The following KIAA1217 variants were observed in gnomAD, a reference collection of about 807,000 sequenced individuals.
KIAA1217 encodes KIAA1217, also known as sickle tail protein homolog.
In KIAA1217, 88 loss-of-function variants were observed where a neutral mutation model predicts 163.9. That is an observed-to-expected ratio of 0.54 (90% CI 0.45 to 0.64). The LOEUF (loss-of-function observed/expected upper bound fraction) is 0.64, where lower values mean the gene tolerates loss of function less well. KIAA1217 is among the 30% of genes least tolerant of loss of function. The pLI is 0.00. For synonymous variants in KIAA1217, 903 were observed against 923.1 expected (o/e 0.98, Z 0.39); for missense variants, 2,372 against 2,475.0 (o/e 0.96, Z 0.88).
chr10:24,255,291 A>G (rs1255529433), intron 2 of KIAA1217: 3 of 293,550 alleles, frequency 1.0e-5, no homozygotes, highest in South Asian at 2.8e-5. Flanking sequence ...TGGCATTTGC[A>G]TAGTAATGAA....
upstream of KIAA1217, among the ~76,000 whole-genome samples, chr10:24,205,302 C>CAAAAAAAAAAAAA (rs61292023): frequency 2.7e-5 from 1 of 36,610 alleles, no homozygotes; most frequent in Non-Finnish European, 5.4e-5. Context: ...ACTAAAAATA[C>CAAAAAAAAAAAAA]AAAAAAAAAA....
intron 2 of KIAA1217, among the ~76,000 whole-genome samples, chr10:24,189,226 G>A (rs145963793): frequency 2.6e-5 from 4 of 152,098 alleles, no homozygotes; most frequent in East Asian, 1.9e-4. Context: ...CATTGAAAGC[G>A]CTTGACCTGC....
At chr10:23,944,466 CTA>C (rs1564554046) in intron 1 of KIAA1217, among the ~76,000 whole-genome samples, 1 of 149,764 alleles carries the variant, frequency 6.7e-6, no homozygotes, top group East Asian at 2.0e-4. Context: ...GTAATAAGCT[CTA>C]AAAAAAAAAG....
intron 6 of KIAA1217, among the ~76,000 whole-genome samples, chr10:24,484,241 A>ATATATATATATATTTTTTTTTTTTTTT (rs1376083298): frequency 6.7e-5 from 5 of 75,156 alleles, no homozygotes; most frequent in Non-Finnish European, 1.0e-4. Flanking sequence ...ATATATATAT[A>ATATATATATATATTTTTTTTTTTTTTT]TTTTTTTTTT....
intron 2 of KIAA1217, among the ~76,000 whole-genome samples, chr10:24,048,105 C>T (rs1041538239): frequency 4.6e-5 from 7 of 152,152 alleles, no homozygotes; most frequent in African/African-American, 1.7e-4. Context: ...GATCAGAGGT[C>T]AAGGGTACAG....
chr10:24,078,695 A>G (rs1225009560), intron 2 of KIAA1217, among the ~76,000 whole-genome samples: 1 of 152,168 alleles, frequency 6.6e-6, no homozygotes, highest in Non-Finnish European at 1.5e-5. Context: ...TCTGGTGCTG[A>G]GGCATTTCAG....
At chr10:24,003,938 A>G (rs1252252969) in intron 1 of KIAA1217, among the ~76,000 whole-genome samples, 1 of 152,190 alleles carries the variant, frequency 6.6e-6, no homozygotes, top group African/African-American at 2.4e-5. Context: ...CTGGGTAGCA[A>G]CATCCAAAAT....
chr10:24,132,828 C>T (rs765762805), intron 2 of KIAA1217, among the ~76,000 whole-genome samples: 7 of 152,150 alleles, frequency 4.6e-5, no homozygotes, highest in Non-Finnish European at 1.0e-4. Flanking sequence ...TGCCGCCTCA[C>T]CTAAATGCTA....
chr10:24,453,494 A>G (rs1204684719), intron 5 of KIAA1217, among the ~76,000 whole-genome samples: 1 of 152,234 alleles, frequency 6.6e-6, no homozygotes, highest in Non-Finnish European at 1.5e-5. Context: ...TTTTTATGGA[A>G]GGAGAATAGG....
chr10:24,377,988 C>T (rs1380447279), intron 2 of KIAA1217, among the ~76,000 whole-genome samples: 2 of 152,146 alleles, frequency 1.3e-5, no homozygotes, highest in Non-Finnish European at 2.9e-5. Context: ...CCCAGGAGAC[C>T]CCAGATGGCT....
intron 1 of KIAA1217, among the ~76,000 whole-genome samples, chr10:23,731,876 T>C (rs554186929): frequency 4.1e-4 from 63 of 152,262 alleles, no homozygotes; most frequent in African/African-American, 1.4e-3. Context: ...ATTTTTCTTT[T>C]TTAGCTTATT....
chr10:24,073,706 G>C (rs2061269358), intron 2 of KIAA1217, among the ~76,000 whole-genome samples: 1 of 152,150 alleles, frequency 6.6e-6, no homozygotes, highest in Non-Finnish European at 1.5e-5. Flanking sequence ...GTGCTGTGTG[G>C]AGGCTTTGAC....
chr10:24,447,763 G>T (rs775657026), intron 5 of KIAA1217, among the ~76,000 whole-genome samples: 1 of 152,136 alleles, frequency 6.6e-6, no homozygotes, highest in Non-Finnish European at 1.5e-5. Context: ...AATGTATCCC[G>T]CTATTGGCCA....
At position 24,544,044 on chromosome 10, in the gene KIAA1217, G is replaced by A. The variant is rs750604169; in HGVS notation, c.4774G>A (p.Gly1592Arg). The A allele has an allele frequency of 1.3e-5, 21 of 1,613,974 alleles. No homozygotes were observed. Among genetic ancestry groups the A allele is most frequent in the Middle Eastern group, 1.6e-4 (1 of 6,084 alleles). ...LAALTQAIRTGTKTGKKTLQV... is the reference protein window; with the variant it reads ...LAALTQAIRTRTKTGKKTLQV... ...CGCTCTCACTCAAGCCATTCGCACC[G>A]GAACTAAAACAGGGAAGAAGACTTT... Residue 1592 changes from glycine to arginine, a missense_variant, in exon 19 of 21, where the codon GGA becomes AGA. Physicochemically the swap from Gly to Arg is moderately radical, Grantham distance 125. Coordinates refer to ENST00000376454, the MANE Select transcript of KIAA1217 (RefSeq NM_019590.5).
rs10672795 is a variant in KIAA1217 at position 24,467,814 on chromosome 10, ATGTG to A, written c.847-5392_847-5389del. 3.8e-3 allele frequency among the ~76,000 whole-genome samples: 565 copies of A among 148,466 alleles called. 2 individuals carry two copies. Among genetic ancestry groups the A allele is most frequent in the African/African-American group, 0.011 (453 of 40,330 alleles). ...TGTGTGTATGTGTATGTGTGTGTGT[ATGTG>A]TGTGTGTGTGTGTGTGTGTGTTGCT... On this transcript the variant is annotated intron_variant, in intron 5 of 20. Transcript: ENST00000376454.
chr10:24,207,629 G>C (rs1280320320), upstream of KIAA1217, among the ~76,000 whole-genome samples: 1 of 152,166 alleles, frequency 6.6e-6, no homozygotes, highest in Non-Finnish European at 1.5e-5. Context: ...CTCTATTCAG[G>C]CTGCCGAGGC....
rs147290679 is a variant in KIAA1217, at chr10:24,215,377, A to C, written c.71-4249A>C. Among the ~76,000 whole-genome samples, 142 of 152,320 alleles carry C rather than the reference A, an allele frequency of 9.3e-4. 1 individual carries two copies. In the East Asian group the frequency reaches 0.016, roughly 17 times the overall value. On this transcript the variant is annotated intron_variant, in intron 1 of 20. Transcript: ENST00000376454. ...CTACAGCTTCATTATTTTGTTTGAC[A>C]AGGATTCCCAGAATAGCGAACAGCT...
At chr10:24,118,684 T>C (rs1158295167) in intron 2 of KIAA1217, among the ~76,000 whole-genome samples, 3 of 151,378 alleles carry the variant, frequency 2.0e-5, no homozygotes, top group African/African-American at 7.3e-5. Context: ...ATTTTTCTTT[T>C]GTTACTTACA....
At chr10:24,512,453 C>A (rs2069334023) in intron 9 of KIAA1217, among the ~76,000 whole-genome samples, 1 of 152,164 alleles carries the variant, frequency 6.6e-6, no homozygotes. Context: ...CTCAACCAGA[C>A]TCCTGCGAAG....
Sources: allele counts gnomAD v4.1 joint callset (sites outside exome capture counted in the v4.1 genomes callset), GRCh38; gene constraint gnomAD v4.1.1; transcripts MANE v1.5; gene names NCBI Gene and HGNC (gene_info 2026-07-23, HGNC 2026-07-21).